RNF220: variants seen among roughly 807,000 people sequenced by gnomAD.
The protein encoded by RNF220 is E3 ubiquitin-protein ligase RNF220.
A neutral mutation model predicts 67.1 loss-of-function variants in RNF220; 7 were observed. The ratio of observed to expected loss-of-function variants is 0.10; its 90% CI spans 0.06 to 0.20. RNF220 has a LOEUF of 0.20. Among genes scored for constraint, RNF220 ranks in the 10% least tolerant of loss-of-function variants. RNF220 has a pLI of 1.00. For missense variants in RNF220, 565 were observed against 740.3 expected (o/e 0.76, Z 2.75); for synonymous variants, 270 against 283.2 (o/e 0.95, Z 0.47).
intron 1 of RNF220, among the ~76,000 whole-genome samples, chr1:44,410,221 T>G (rs1180363980): frequency 6.6e-6 from 1 of 152,246 alleles, no homozygotes; most frequent in African/African-American, 2.4e-5. Context: ...ATAATATTGC[T>G]TGTTGATAGA....
At chr1:44,604,551 A>G (rs1211081244) in intron 2 of RNF220, among the ~76,000 whole-genome samples, 1 of 152,250 alleles carries the variant, frequency 6.6e-6, no homozygotes, top group Admixed American at 6.5e-5. Flanking sequence ...GCAAAGGCTC[A>G]TGGGGTCAAG....
chr1:44,649,849 C>CA lies in RNF220; in HGVS notation c.1555-33dup, dbSNP rs1644743382. 6.2e-7 allele frequency: 1 copy of CA among 1,613,694 alleles called. No individual in the cohort carries two copies. The highest frequency in any genetic ancestry group is 8.5e-7 in the Non-Finnish European group (1 of 1,179,774). On this transcript the variant is annotated intron_variant, in intron 13 of 14. Coordinates refer to ENST00000361799, the MANE Select transcript of RNF220 (RefSeq NM_018150.4). The surrounding 1 kb of genome is among the most constrained non-coding windows in gnomAD (Gnocchi z 5.9). ...GGAGTTGGAGAGGGTGGGCCTACCT[C>CA]AGAGTGACCCCTTCTCTGCCCCCTC...
chr1:44,641,453 A>G (rs541251896), intron 8 of RNF220, among the ~76,000 whole-genome samples: 3 of 151,610 alleles, frequency 2.0e-5, no homozygotes, highest in East Asian at 3.9e-4. Context: ...CTGGAGCTAC[A>G]TGGAAGAGGA....
chr1:44,576,984 G>A (rs1664852998), intron 2 of RNF220, among the ~76,000 whole-genome samples: 1 of 152,190 alleles, frequency 6.6e-6, no homozygotes, highest in Non-Finnish European at 1.5e-5. Flanking sequence ...GGAGCCGACA[G>A]GAGGGTAAGG....
At chr1:44,453,955 T>A (rs1460261054) in intron 2 of RNF220, among the ~76,000 whole-genome samples, 1 of 152,208 alleles carries the variant, frequency 6.6e-6, no homozygotes, top group Non-Finnish European at 1.5e-5. Context: ...TTGTTATTAA[T>A]AGTTGCCAGA....
chr1:44,458,797 G>A (rs1052356773), intron 2 of RNF220, among the ~76,000 whole-genome samples: 1 of 152,198 alleles, frequency 6.6e-6, no homozygotes, highest in Non-Finnish European at 1.5e-5. Flanking sequence ...CACTCAGCTG[G>A]TAAAAGTGGA....
chr1:44,531,642 C>T (rs6672462), intron 2 of RNF220, among the ~76,000 whole-genome samples: 37,389 of 152,086 alleles, frequency 0.25, 4,965 homozygotes, highest in Non-Finnish European at 0.3. Flanking sequence ...CTTTTCCCTT[C>T]CCCTGTGATG....
intron 2 of RNF220, among the ~76,000 whole-genome samples, chr1:44,496,029 T>C (rs1657317400): frequency 6.6e-6 from 1 of 152,190 alleles, no homozygotes; most frequent in East Asian, 1.9e-4. Context: ...AAGCTTACAC[T>C]GAATCCTAAA....
intron 2 of RNF220, among the ~76,000 whole-genome samples, chr1:44,451,044 G>T (rs1050073605): frequency 1.3e-5 from 2 of 152,054 alleles, no homozygotes; most frequent in African/African-American, 4.8e-5. Flanking sequence ...TTAGCGGGGC[G>T]TGGTGGCGGG....
intron 2 of RNF220, among the ~76,000 whole-genome samples, chr1:44,497,222 T>C (rs1557982999): frequency 1.3e-5 from 2 of 152,084 alleles, no homozygotes; most frequent in African/African-American, 4.8e-5. Flanking sequence ...GACAGACATA[T>C]TTGATATGTT....
intron 2 of RNF220, among the ~76,000 whole-genome samples, chr1:44,558,073 G>A (rs1485463423): frequency 6.6e-6 from 1 of 152,198 alleles, no homozygotes; most frequent in African/African-American, 2.4e-5. Flanking sequence ...CAGCCTCAGG[G>A]AACTGTCTAA....
At chr1:44,607,998 A>T (rs1573027360) in intron 2 of RNF220, among the ~76,000 whole-genome samples, 1 of 144,924 alleles carries the variant, frequency 6.9e-6, no homozygotes, top group South Asian at 2.2e-4. Flanking sequence ...ATCATAGCTC[A>T]CTGCAGCCTC....
At position 44,644,718 on chromosome 1, in the gene RNF220, A is replaced by G. The variant is rs754536964; in HGVS notation, c.1147A>G (p.Ser383Gly). Residue 383 changes from serine (S) to glycine (G), a missense_variant, in exon 9 of 15, where the codon AGC becomes GGC. Physicochemically the swap from Ser to Gly is moderately conservative, Grantham distance 56. Transcript: ENST00000361799. Reference protein sequence around the residue: ...GFRGSGFIMCSGKENPDSDAD... With the variant: ...GFRGSGFIMCGGKENPDSDAD... ...CACAGGCTCTGGCTTCATCATGTGCAGCGGCAAAGAGAACCCGGACAGTGA... is the reference window on the plus strand; with the variant it reads ...CACAGGCTCTGGCTTCATCATGTGCGGCGGCAAAGAGAACCCGGACAGTGA... 1 of 1,614,074 alleles carries G rather than the reference A, an allele frequency of 6.2e-7. No individual in the cohort carries two copies. Among genetic ancestry groups the G allele is most frequent in the South Asian group, 1.1e-5 (1 of 91,078 alleles).
chr1:44,638,087 C>T (rs2148489639), intron 8 of RNF220, among the ~76,000 whole-genome samples: 1 of 152,376 alleles, frequency 6.6e-6, no homozygotes, highest in Middle Eastern at 3.4e-3. Flanking sequence ...TCCCTACTGC[C>T]TCTGCCCCCA....
At chr1:44,570,425 T>A (rs1443177675) in intron 2 of RNF220, among the ~76,000 whole-genome samples, 1 of 152,226 alleles carries the variant, frequency 6.6e-6, no homozygotes, top group Non-Finnish European at 1.5e-5. Flanking sequence ...TCCGTTCCAT[T>A]TGGCGCTGAA....
intron 7 of RNF220, 130 bp from the exon 8 acceptor site, chr1:44,635,900 A>G: frequency 6.7e-7 from 1 of 1,490,760 alleles, no homozygotes; most frequent in South Asian, 1.3e-5. Context: ...GGTTTGCTTC[A>G]AAGGAGCCCT....
chr1:44,470,690 A>C (rs957845212), intron 2 of RNF220, among the ~76,000 whole-genome samples: 1 of 152,064 alleles, frequency 6.6e-6, no homozygotes, highest in Non-Finnish European at 1.5e-5. Context: ...CCATGTCCAC[A>C]CTGTGAACCT....
chr1:44,635,836 T>G (rs1391333430), intron 7 of RNF220, 194 bp from the exon 8 acceptor site: 3 of 1,299,222 alleles, frequency 2.3e-6, no homozygotes, highest in Non-Finnish European at 3.1e-6. Context: ...ATTCCCTCCT[T>G]GGGCTCCAGC....
intron 2 of RNF220, among the ~76,000 whole-genome samples, chr1:44,609,565 A>G (rs959748492): frequency 4.6e-5 from 7 of 152,166 alleles, no homozygotes; most frequent in African/African-American, 1.7e-4. Flanking sequence ...GATGGCAGGG[A>G]AGGGGCAGGT....
Sources: allele counts gnomAD v4.1 joint callset (sites outside exome capture counted in the v4.1 genomes callset), GRCh38; gene constraint gnomAD v4.1.1; non-coding constraint Gnocchi (gnomAD v3.1); transcripts MANE v1.5; gene names NCBI Gene and HGNC (gene_info 2026-07-23, HGNC 2026-07-21).